The following TTC39C variants were observed in gnomAD, a reference collection of about 807,000 sequenced individuals.
TTC39C encodes tetratricopeptide repeat protein 39C.
In TTC39C, 33 loss-of-function variants were observed where a neutral mutation model predicts 76.3. The ratio of observed to expected loss-of-function variants is 0.43; its 90% confidence interval spans 0.33 to 0.58. TTC39C has a LOEUF of 0.58. TTC39C is among the 20% of genes least tolerant of loss of function. The pLI, the probability that TTC39C is intolerant of heterozygous loss-of-function variation, is 0.04. For synonymous variants in TTC39C, 254 were observed against 260.6 expected (o/e 0.97, Z 0.24); for missense variants, 595 against 701.4 (o/e 0.85, Z 1.71).
rs1323796358 is a variant in TTC39C, at chr18:24,132,592, C to T, written c.*18C>T. On this transcript the variant is annotated 3_prime_UTR_variant, in exon 14 of 14. Coordinates refer to ENST00000317571, the MANE Select transcript of TTC39C (RefSeq NM_001135993.2). ...CTCAGTGACAGACCCGGAACACCCG[C>T]TCCGTCCCTCCCCACCCAGGGTCCG... The T allele has an allele frequency of 6.2e-7, 1 of 1,602,288 alleles. No homozygotes were observed.
At chr18:24,014,677 G>A, upstream of TTC39C, 2 of 845,872 alleles carry the variant, frequency 2.4e-6, no homozygotes, top group African/African-American at 1.8e-5. Context: ...CACCTCCCAC[G>A]CCGCGCCGCA....
chr18:24,065,941 T>G, intron 2 of TTC39C, 71 bp from the exon 3 acceptor site: 2 of 1,445,322 alleles, frequency 1.4e-6, no homozygotes, highest in Non-Finnish European at 1.8e-6. Flanking sequence ...ATTTGGAGTT[T>G]TCTTGTAATA....
chr18:24,064,064 T>C, intron 1 of TTC39C, 76 bp from the exon 2 acceptor site: 1 of 1,583,544 alleles, frequency 6.3e-7, no homozygotes, highest in Non-Finnish European at 8.6e-7. Context: ...AATCATGATA[T>C]GTCAAATGCT....
intron 1 of TTC39C, among the ~76,000 whole-genome samples, chr18:23,996,603 G>T (rs943831642): frequency 4.6e-5 from 7 of 152,186 alleles, no homozygotes; most frequent in African/African-American, 1.7e-4. Context: ...ATGTGTATGT[G>T]CATGTGTGCA....
chr18:24,013,716 C>T (rs1375200557), upstream of TTC39C, among the ~76,000 whole-genome samples: 5 of 152,096 alleles, frequency 3.3e-5, no homozygotes, highest in South Asian at 2.1e-4. Context: ...AGGGATTTTG[C>T]TAAATTAGAG....
chr18:24,052,679 G>A (rs2083967040), intron 1 of TTC39C, among the ~76,000 whole-genome samples: 1 of 152,162 alleles, frequency 6.6e-6, no homozygotes, highest in Non-Finnish European at 1.5e-5. Context: ...TTTGTTTGGT[G>A]TGATTTCTTA....
At chr18:24,038,715 A>G (rs1286413050) in intron 1 of TTC39C, among the ~76,000 whole-genome samples, 2 of 152,186 alleles carry the variant, frequency 1.3e-5, no homozygotes, top group Admixed American at 6.5e-5. Context: ...GTTTTCTCAC[A>G]GTTCTAGAGT....
chr18:24,037,090 G>T (rs2083741856), intron 1 of TTC39C, among the ~76,000 whole-genome samples: 1 of 152,136 alleles, frequency 6.6e-6, no homozygotes, highest in Non-Finnish European at 1.5e-5. Context: ...GCAAAAGTGG[G>T]CGTTTTTGTC....
chr18:24,128,908 A>T lies in TTC39C; in HGVS notation c.1443A>T (p.Ser481=). The T allele has an allele frequency of 6.2e-7, 1 of 1,613,524 alleles. No individual in the cohort carries two copies. Among genetic ancestry groups the T allele is most frequent in the South Asian group, 1.1e-5 (1 of 91,034 alleles). ...MSQACHEVDD[S]SVVGLKYLLL... is the part of the protein sequence containing the mutation. ...AAGCTTGCCATGAAGTGGATGACTC[A>T]TCTGTTGTTGGATTAAAGTATTTGC... Residue 481 remains serine (S), a synonymous_variant, in exon 11 of 14, where the codon TCA becomes TCT. Coordinates refer to ENST00000317571, the MANE Select transcript of TTC39C (RefSeq NM_001135993.2).
At chr18:24,032,409 A>G (rs1363529788) in intron 1 of TTC39C, among the ~76,000 whole-genome samples, 1 of 152,080 alleles carries the variant, frequency 6.6e-6, no homozygotes. Flanking sequence ...TCATATGAAG[A>G]TTGAGTATCC....
intron 4 of TTC39C, among the ~76,000 whole-genome samples, chr18:24,073,448 CT>C (rs1390826384): frequency 6.6e-6 from 1 of 152,154 alleles, no homozygotes; most frequent in African/African-American, 2.4e-5. Context: ...CCCCTACCCC[CT>C]TTATCTTTCT....
At chr18:24,068,073 A>G (rs537636862) in intron 3 of TTC39C, among the ~76,000 whole-genome samples, 79 of 152,308 alleles carry the variant, frequency 5.2e-4, no homozygotes, top group Admixed American at 3.1e-3. Context: ...AATATGGTCT[A>G]TATTTTGTCA....
chr18:24,101,170 A>C (rs1413467913), intron 6 of TTC39C, among the ~76,000 whole-genome samples: 1 of 152,110 alleles, frequency 6.6e-6, no homozygotes, highest in Non-Finnish European at 1.5e-5. Flanking sequence ...TATACTAAAA[A>C]CCACTTAATT....
intron 1 of TTC39C, among the ~76,000 whole-genome samples, chr18:24,027,785 C>A (rs1356034903): frequency 1.3e-5 from 2 of 152,028 alleles, no homozygotes; most frequent in Non-Finnish European, 2.9e-5. Flanking sequence ...CCAGGCAACT[C>A]CTGAGCTCAA....
At chr18:24,080,483 AT>A in intron 4 of TTC39C, 101 bp from the exon 5 acceptor site, 1 of 847,528 alleles carries the variant, frequency 1.2e-6, no homozygotes, top group South Asian at 1.9e-5. Context: ...TGTTTTTTAC[AT>A]TTTTGGCTTG....
At chr18:24,115,025 C>A (rs2084873141) in intron 7 of TTC39C, 1 of 187,484 alleles carries the variant, frequency 5.3e-6, no homozygotes, top group African/African-American at 2.4e-5. Flanking sequence ...TTTTCACCAA[C>A]TAGCTCTGAG....
intron 1 of TTC39C, among the ~76,000 whole-genome samples, chr18:24,035,176 G>C (rs1165341909): frequency 6.6e-6 from 1 of 152,018 alleles, no homozygotes; most frequent in Non-Finnish European, 1.5e-5. Flanking sequence ...AAGTAACTAG[G>C]ACTACATTCA....
At chr18:24,124,531 G>C (rs1226450339) in intron 9 of TTC39C, among the ~76,000 whole-genome samples, 2 of 152,224 alleles carry the variant, frequency 1.3e-5, no homozygotes, top group African/African-American at 2.4e-5. Flanking sequence ...CAAGACTGTA[G>C]AGACAGTATT....
In TTC39C at chr18:24,124,069, A is replaced by T. The variant is rs181424840; in HGVS notation, c.1296+126A>T. 102 of 621,982 alleles carry T rather than the reference A, an allele frequency of 1.6e-4. No individual in the cohort carries two copies. The African/African-American group carries it at 1.8e-3, about 11-fold the overall frequency. 38.5% of individuals were successfully genotyped at this position (621,982 alleles called of 1,614,324 possible). On this transcript the variant is annotated intron_variant, in intron 9 of 13. Transcript: ENST00000317571. Reference sequence around the variant, plus strand: ...TTACTTGCCACATAAAGTGCAGTTCACCGCCATGCAGAGGATTCTCTCCAT... The same window carrying T: ...TTACTTGCCACATAAAGTGCAGTTCTCCGCCATGCAGAGGATTCTCTCCAT...
Sources: gnomAD v4.1 joint callset for allele counts (sites outside exome capture counted in the v4.1 genomes callset) on GRCh38, gnomAD v4.1.1 for gene constraint, MANE v1.5 for transcripts, NCBI Gene and HGNC (gene_info 2026-07-23, HGNC 2026-07-21) for gene names.